Variants in PMF1 observed in about 807,000 individuals in gnomAD.
PMF1 encodes polyamine modulated factor 1.
Under a neutral mutation model 26.7 loss-of-function variants are expected in PMF1, and 21 were observed. The ratio of observed to expected loss-of-function variants is 0.79; its 90% CI spans 0.56 to 1.13. PMF1 has a LOEUF of 1.13. Among genes scored for constraint, PMF1 ranks in the 50% most tolerant of loss-of-function variants. The pLI is 0.00. For missense variants in PMF1, 266 were observed against 254.9 expected (o/e 1.04, Z -0.30); for synonymous variants, 105 against 101.0 (o/e 1.04, Z -0.24).
At chr1:156,227,837 C>T (rs576049667) in intron 1 of PMF1, among the ~76,000 whole-genome samples, 2 of 151,462 alleles carry the variant, frequency 1.3e-5, no homozygotes, top group East Asian at 3.9e-4. Flanking sequence ...TGCTGTGTTG[C>T]ACAGGCTGGT....
intron 2 of PMF1, among the ~76,000 whole-genome samples, chr1:156,232,941 A>T: frequency 3.5e-5 from 4 of 115,070 alleles, no homozygotes; most frequent in East Asian, 2.3e-4. Flanking sequence ...TTTTTTTGAG[A>T]CAGGGTCTGG....
At chr1:156,228,081 T>C (rs1271796005) in intron 1 of PMF1, among the ~76,000 whole-genome samples, 1 of 151,670 alleles carries the variant, frequency 6.6e-6, no homozygotes, top group East Asian at 1.9e-4. Context: ...ATTACAGACA[T>C]GCGCTACCAC....
At chr1:156,225,254 C>A in intron 1 of PMF1, among the ~76,000 whole-genome samples, 1 of 138,164 alleles carries the variant, frequency 7.2e-6, no homozygotes, top group East Asian at 2.3e-4. Flanking sequence ...GGATGAAGAG[C>A]AAGAATTTCT....
intron 3 of PMF1, among the ~76,000 whole-genome samples, chr1:156,234,745 G>GCC (rs1322410356): frequency 6.6e-6 from 1 of 152,076 alleles, no homozygotes; most frequent in Non-Finnish European, 1.5e-5. Context: ...CTGACCTCAG[G>GCC]TGATCCTCCT....
intron 1 of PMF1, among the ~76,000 whole-genome samples, chr1:156,214,089 C>T (rs1657551433): frequency 6.6e-6 from 1 of 152,020 alleles, no homozygotes; most frequent in South Asian, 2.1e-4. Flanking sequence ...TTTTTTGTAT[C>T]TGTACTAGTA....
intron 4 of PMF1, among the ~76,000 whole-genome samples, chr1:156,237,607 C>CATG (rs1475821663): frequency 1.3e-5 from 2 of 151,606 alleles, no homozygotes; most frequent in African/African-American, 4.9e-5. Context: ...CTGCCACACC[C>CATG]AGCTAAATTT....
rs1052053 is a variant in PMF1, at chr1:156,232,382, A to T, written c.224A>T (p.Gln75Leu). Residue 75 changes from glutamine (Q) to leucine (L), a missense_variant, in exon 2 of 5, where the codon CAA (glutamine) becomes CTA (leucine). Coordinates refer to ENST00000368277, the MANE Select transcript of PMF1 (RefSeq NM_007221.4). ...CAGTTGCAGCCTGCGATGACACAGC[A>T]AATCTATGACAAGTTTATAGCTCAG... ...FYQLQPAMTQ[Q>L]IYDKFIAQLQ... The T allele has an allele frequency of 1.2e-6, 2 of 1,613,874 alleles. No homozygotes were observed. The highest frequency in any genetic ancestry group is 1.7e-6 in the Non-Finnish European group (2 of 1,179,896).
At chr1:156,229,231 T>C (rs773947066) in intron 1 of PMF1, among the ~76,000 whole-genome samples, 2 of 152,020 alleles carry the variant, frequency 1.3e-5, no homozygotes, top group African/African-American at 2.4e-5. Flanking sequence ...TTTAGGTACC[T>C]AAGCTTAGCT....
intron 1 of PMF1, among the ~76,000 whole-genome samples, chr1:156,220,365 A>T (rs776730288): frequency 1.3e-5 from 2 of 151,630 alleles, no homozygotes; most frequent in African/African-American, 2.4e-5. Context: ...CACCTGGCCA[A>T]TTTTTTAATA....
intron 1 of PMF1, among the ~76,000 whole-genome samples, chr1:156,221,489 G>A (rs2103088369): frequency 6.6e-6 from 1 of 152,248 alleles, no homozygotes; most frequent in East Asian, 1.9e-4. Flanking sequence ...TTACTTATTT[G>A]TGGTCAGTCT....
At chr1:156,222,851 T>C (rs961891067) in intron 1 of PMF1, among the ~76,000 whole-genome samples, 2 of 152,196 alleles carry the variant, frequency 1.3e-5, no homozygotes, top group Non-Finnish European at 1.5e-5. Flanking sequence ...AGAGATGTCC[T>C]TGTGGTTCAG....
chr1:156,224,955 A>G (rs1658275901), intron 1 of PMF1, among the ~76,000 whole-genome samples: 1 of 150,758 alleles, frequency 6.6e-6, no homozygotes, highest in South Asian at 2.1e-4. Flanking sequence ...GCTGGAGGGC[A>G]GTGGCGCCAT....
intron 1 of PMF1, among the ~76,000 whole-genome samples, chr1:156,227,974 G>A (rs1269316592): frequency 3.1e-5 from 4 of 127,940 alleles, no homozygotes; most frequent in African/African-American, 1.2e-4. Flanking sequence ...CATTCTTGTT[G>A]CCCACACTGG....
At chr1:156,226,093 G>T (rs1370075310) in intron 1 of PMF1, among the ~76,000 whole-genome samples, 1 of 152,102 alleles carries the variant, frequency 6.6e-6, no homozygotes, top group Non-Finnish European at 1.5e-5. Context: ...GACCTCAAGT[G>T]ATCCCCCCAC....
chr1:156,217,630 G>T (rs1657843172), intron 1 of PMF1, among the ~76,000 whole-genome samples: 1 of 151,900 alleles, frequency 6.6e-6, no homozygotes, highest in Non-Finnish European at 1.5e-5. Flanking sequence ...GGAGGCTGAG[G>T]CAGGAGAATC....
intron 1 of PMF1, 130 bp from the exon 2 acceptor site, chr1:156,232,190 C>T: frequency 1.3e-6 from 1 of 777,134 alleles, no homozygotes; most frequent in Non-Finnish European, 2.2e-6. Context: ...TTTGCATCCA[C>T]TGGCTTTAAC....
intron 1 of PMF1, among the ~76,000 whole-genome samples, chr1:156,216,378 G>A (rs1262161718): frequency 6.6e-6 from 1 of 152,136 alleles, no homozygotes; most frequent in Admixed American, 6.5e-5. Flanking sequence ...GCAACAGAGT[G>A]AGACTCTATC....
At chr1:156,225,628 C>A in intron 1 of PMF1, 1 of 1,563,556 alleles carries the variant, frequency 6.4e-7, no homozygotes, top group Non-Finnish European at 8.7e-7. Context: ...GTGAAACAGG[C>A]CTTCAGTTGG....
chr1:156,215,638 C>T (rs1657657312), intron 1 of PMF1, among the ~76,000 whole-genome samples: 1 of 151,978 alleles, frequency 6.6e-6, no homozygotes, highest in Non-Finnish European at 1.5e-5. Context: ...GTGATCCTCC[C>T]ACCTCAGCCT....
Sources: gnomAD v4.1 joint callset for allele counts (sites outside exome capture counted in the v4.1 genomes callset) on GRCh38, gnomAD v4.1.1 for gene constraint, MANE v1.5 for transcripts, NCBI Gene and HGNC (gene_info 2026-07-23, HGNC 2026-07-21) for gene names.